Variants in RBFOX1 observed in about 807,000 individuals in gnomAD.
RBFOX1 encodes the protein RNA binding fox-1 homolog 1, also known as RNA binding protein fox-1 homolog 1.
A neutral mutation model predicts 57.7 loss-of-function variants in RBFOX1; 8 were observed. That is an observed-to-expected ratio of 0.14 (90% confidence interval 0.08 to 0.25). The LOEUF (loss-of-function observed/expected upper bound fraction) is 0.25, where lower values mean the gene tolerates loss of function less well. Ranked by LOEUF, RBFOX1 falls within the 10% of genes least tolerant of loss-of-function variation. The pLI, the probability that RBFOX1 is intolerant of heterozygous loss-of-function variation, is 1.00. For synonymous variants in RBFOX1, 326 were observed against 222.4 expected (o/e 1.47, Z -4.15); for missense variants, 611 against 548.5 (o/e 1.11, Z -1.14).
At chr16:6,477,074 C>T (rs987266218) in intron 2 of RBFOX1, among the ~76,000 whole-genome samples, 3 of 152,330 alleles carry the variant, frequency 2.0e-5, no homozygotes, top group Admixed American at 2.0e-4. Flanking sequence ...TTAGCTATTT[C>T]CTCCACATTT....
intron 4 of RBFOX1, among the ~76,000 whole-genome samples, chr16:7,184,458 T>G (rs181672443): frequency 3.7e-4 from 57 of 152,382 alleles, no homozygotes; most frequent in Non-Finnish European, 7.1e-4. Flanking sequence ...TGTCTGTTCA[T>G]CTGCATTGCA....
At chr16:6,445,624 C>A (rs1358288224) in intron 2 of RBFOX1, among the ~76,000 whole-genome samples, 1 of 139,342 alleles carries the variant, frequency 7.2e-6, no homozygotes, top group Non-Finnish European at 1.5e-5. Flanking sequence ...TACTCTGTTG[C>A]CAGGATGGCA....
chr16:7,298,639 A>C (rs577726548), intron 4 of RBFOX1, among the ~76,000 whole-genome samples: 2 of 152,232 alleles, frequency 1.3e-5, no homozygotes, highest in Non-Finnish European at 2.9e-5. Context: ...TGATTAGCCC[A>C]CTATCGACTC....
chr16:5,776,454 G>C (rs1177132186), intron 3 of RBFOX1, among the ~76,000 whole-genome samples: 1 of 152,198 alleles, frequency 6.6e-6, no homozygotes, highest in Admixed American at 6.5e-5. Flanking sequence ...GAATCTCAGT[G>C]AGCCTTCTGG....
chr16:5,364,617 A>G (rs112982695), intron 1 of RBFOX1, among the ~76,000 whole-genome samples: 2 of 152,178 alleles, frequency 1.3e-5, no homozygotes, highest in African/African-American at 4.8e-5. Context: ...AATTTTTTAC[A>G]TTCTGCTTTT....
intron 2 of RBFOX1, among the ~76,000 whole-genome samples, chr16:5,527,003 T>G (rs2044274799): frequency 6.6e-6 from 1 of 152,174 alleles, no homozygotes; most frequent in Admixed American, 6.5e-5. Context: ...AAGGGATTAA[T>G]GAGTGTGAAG....
intron 4 of RBFOX1, among the ~76,000 whole-genome samples, chr16:7,123,013 G>A (rs940850771): frequency 6.6e-6 from 1 of 152,016 alleles, no homozygotes; most frequent in Non-Finnish European, 1.5e-5. Context: ...TAGGTTTGGG[G>A]AGAAAAGATC....
chr16:7,593,952 TAGCC>T (rs2094565855), intron 7 of RBFOX1, among the ~76,000 whole-genome samples: 2 of 152,168 alleles, frequency 1.3e-5, no homozygotes, highest in Admixed American at 1.3e-4. Context: ...AAAGTTCCGT[TAGCC>T]AGCCCATTGC....
intron 4 of RBFOX1, among the ~76,000 whole-genome samples, chr16:5,897,498 A>C (rs2058196768): frequency 6.6e-6 from 1 of 152,188 alleles, no homozygotes; most frequent in African/African-American, 2.4e-5. Context: ...GTTATTCTCG[A>C]AAATTGGCTT....
chr16:5,450,990 C>T (rs769359839), intron 1 of RBFOX1, among the ~76,000 whole-genome samples: 3 of 152,228 alleles, frequency 2.0e-5, no homozygotes, highest in Non-Finnish European at 2.9e-5. Flanking sequence ...TATCTGTCAG[C>T]ATGACTGTGA....
chr16:7,557,856 C>G (rs1174110693), intron 5 of RBFOX1, among the ~76,000 whole-genome samples: 1 of 151,824 alleles, frequency 6.6e-6, no homozygotes, highest in African/African-American at 2.4e-5. Context: ...TGCAAATACT[C>G]CCATCATGGC....
At chr16:6,677,771 C>G (rs1021687643) in intron 3 of RBFOX1, among the ~76,000 whole-genome samples, 1 of 152,112 alleles carries the variant, frequency 6.6e-6, no homozygotes, top group African/African-American at 2.4e-5. Context: ...CATCACTATA[C>G]AAGTTATTAA....
chr16:7,507,743 T>G (rs1600348116), intron 4 of RBFOX1, among the ~76,000 whole-genome samples: 1 of 151,886 alleles, frequency 6.6e-6, no homozygotes, highest in East Asian at 2.0e-4. Flanking sequence ...GTTGGTAATT[T>G]TAGTAGAGAC....
intron 3 of RBFOX1, among the ~76,000 whole-genome samples, chr16:5,719,849 G>A (rs1444019669): frequency 6.6e-6 from 1 of 152,120 alleles, no homozygotes; most frequent in Admixed American, 6.5e-5. Context: ...ATTATGAATA[G>A]TGCTGCTACG....
At chr16:7,159,520 G>A (rs990734775) in intron 4 of RBFOX1, among the ~76,000 whole-genome samples, 41 of 152,286 alleles carry the variant, frequency 2.7e-4, no homozygotes, top group African/African-American at 8.9e-4. Context: ...CGCTCCATGC[G>A]CTAGGACTAT....
chr16:6,157,711 A>G (rs2096848433), intron 1 of RBFOX1, among the ~76,000 whole-genome samples: 1 of 152,194 alleles, frequency 6.6e-6, no homozygotes. Flanking sequence ...ACATAATTAT[A>G]TTGTAATTAT....
chr16:5,245,291 G>A (rs2062269282), intron 1 of RBFOX1, among the ~76,000 whole-genome samples: 1 of 152,208 alleles, frequency 6.6e-6, no homozygotes, highest in Non-Finnish European at 1.5e-5. Flanking sequence ...AGGGCTGACA[G>A]TGTCAGGCAA....
Position 5,994,270 on chromosome 16 carries a change from T to C in RBFOX1, c.351+126935T>C, listed in dbSNP as rs770291319. 7.8e-4 allele frequency among the ~76,000 whole-genome samples: 119 copies of C among 152,232 alleles called. 1 individual carries two copies. Among genetic ancestry groups the C allele is most frequent in the Non-Finnish European group, 1.5e-3 (105 of 68,042 alleles). ...TCTGCCTCCTGGGTTTAAGCAATTCTCATGCTTCAGCCTCCTTAGTAGCTG... is the reference window on the plus strand; with the variant it reads ...TCTGCCTCCTGGGTTTAAGCAATTCCCATGCTTCAGCCTCCTTAGTAGCTG... On this transcript the variant is annotated intron_variant, in intron 4 of 19. Transcript: ENST00000641259.
At chr16:6,509,917 A>C (rs988752760) in intron 2 of RBFOX1, among the ~76,000 whole-genome samples, 1 of 152,206 alleles carries the variant, frequency 6.6e-6, no homozygotes, top group Non-Finnish European at 1.5e-5. Flanking sequence ...TATCCCTGAT[A>C]ATGCAGGAGA....
Sources: gnomAD v4.1 joint callset for allele counts (sites outside exome capture counted in the v4.1 genomes callset) on GRCh38, gnomAD v4.1.1 for gene constraint, MANE v1.5 for transcripts, NCBI Gene and HGNC (gene_info 2026-07-23, HGNC 2026-07-21) for gene names.